PGAP4: variants seen among roughly 807,000 people sequenced by gnomAD.
The protein encoded by PGAP4 is post-GPI attachment to proteins GalNAc transferase 4.
PGAP4 carries 12 observed loss-of-function variants against 28.2 expected under a neutral mutation model. That is an observed-to-expected ratio of 0.42 (90% CI 0.27 to 0.69). The LOEUF is 0.69. PGAP4 is among the 30% of genes least tolerant of loss of function. The probability of loss-of-function intolerance (pLI) is 0.22; values close to 1 mark genes in which losing one functional copy is unlikely to be tolerated. For synonymous variants in PGAP4, 205 were observed against 211.8 expected, an observed-to-expected ratio of 0.97 and a Z score of 0.28; for missense variants, 425 against 513.5, an observed-to-expected ratio of 0.83 and a Z score of 1.67.
chr9:101,478,867 G>T (rs1380355676), intron 1 of PGAP4, among the ~76,000 whole-genome samples: 1 of 152,194 alleles, frequency 6.6e-6, no homozygotes, highest in Non-Finnish European at 1.5e-5. Context: ...AAACCACTGT[G>T]TCTAGACACC....
At chr9:101,510,391 T>C (rs1929486) in intron 2 of PGAP4, among the ~76,000 whole-genome samples, 24,366 of 151,984 alleles carry the variant, frequency 0.16, 2,298 homozygotes, top group African/African-American at 0.25. Context: ...ATGTTTTTTT[T>C]TTCTTTTGAA....
chr9:101,529,582 C>A (rs1168065762), intron 2 of PGAP4, among the ~76,000 whole-genome samples: 1 of 152,190 alleles, frequency 6.6e-6, no homozygotes, highest in Non-Finnish European at 1.5e-5. Context: ...AAAAGGCAGA[C>A]CTGGCTCTAG....
intron 2 of PGAP4, among the ~76,000 whole-genome samples, chr9:101,495,869 C>G (rs1234229234): frequency 2.0e-5 from 3 of 151,084 alleles, no homozygotes; most frequent in East Asian, 1.9e-4. Flanking sequence ...CAAAAACATC[C>G]TCCCATAGTG....
At chr9:101,524,096 G>A (rs1026823690) in intron 2 of PGAP4, among the ~76,000 whole-genome samples, 2 of 151,770 alleles carry the variant, frequency 1.3e-5, no homozygotes, top group Non-Finnish European at 1.5e-5. Context: ...AACTGTCTAT[G>A]GGTCTCTCAG....
At chr9:101,481,052 C>T (rs1046131509) in intron 1 of PGAP4, among the ~76,000 whole-genome samples, 4 of 152,184 alleles carry the variant, frequency 2.6e-5, no homozygotes, top group Admixed American at 6.5e-5. Flanking sequence ...TAGCATGTTC[C>T]TGTAGTCCTA....
At position 101,476,535 on chromosome 9, in the gene PGAP4, T is replaced by C. The variant is rs1434086148; in HGVS notation, c.558A>G (p.Lys186=). Residue 186 remains lysine, a synonymous_variant, in exon 2 of 2, where the codon AAA becomes AAG. Transcript: ENST00000374848. The surrounding 1 kb of genome is among the most constrained non-coding windows in gnomAD (Gnocchi z 7.0). ...GGCAATAGACATAGTCCTGCTTCTC[T>C]TTCTCAAACGAGTTGGTCGAAGGGT... ...GDDPSTNSFE[K]EKQDYVYCLE... is the part of the protein sequence containing the mutation. 3.1e-6 allele frequency: 5 copies of C among 1,614,212 alleles called. No homozygotes were observed. The South Asian group carries it at 5.5e-5, about 18-fold the overall frequency.
Position 101,476,548 on chromosome 9 carries a change from T to C in PGAP4, c.545A>G (p.Asn182Ser), listed in dbSNP as rs1213852157. 4.3e-6 allele frequency: 7 copies of C among 1,614,034 alleles called. No individual in the cohort carries two copies. The highest frequency in any genetic ancestry group is 5.9e-6 in the Non-Finnish European group (7 of 1,180,016). Residue 182 changes from asparagine to serine, a missense_variant, in exon 2 of 2, where the codon AAC becomes AGC. By Grantham distance (46) the Asn-to-Ser change is conservative. Coordinates refer to ENST00000374848, the MANE Select transcript of PGAP4 (RefSeq NM_032342.3). This position sits in a 1 kb window ranked among gnomAD's most constrained non-coding sequence, Gnocchi z 7.0. ...GTCCTGCTTCTCTTTCTCAAACGAG[T>C]TGGTCGAAGGGTCATCACCATAATC... ...EDDYGDDPST[N>S]SFEKEKQDYV...
intron 2 of PGAP4, among the ~76,000 whole-genome samples, chr9:101,523,645 T>C (rs964380264): frequency 6.7e-5 from 7 of 105,118 alleles, no homozygotes; most frequent in African/African-American, 2.2e-4. Flanking sequence ...TTTTTTTTTT[T>C]TTTTTTTGGA....
upstream of PGAP4, among the ~76,000 whole-genome samples, chr9:101,489,419 T>C (rs551462711): frequency 6.6e-6 from 1 of 152,112 alleles, no homozygotes. Flanking sequence ...AGAAAACCAA[T>C]AAGGCATAGT....
rs778513715 is a variant in PGAP4 at position 101,475,453 on chromosome 9, C to T, written c.*428G>A. The T allele has an allele frequency of 1.6e-5, 3 of 190,034 alleles. No homozygotes were observed. The highest frequency in any genetic ancestry group is 2.3e-5 in the African/African-American group (1 of 42,638). 11.8% of individuals were successfully genotyped at this position (190,034 alleles called of 1,614,324 possible). A position where few individuals can be genotyped will look rare whatever the true frequency, so the allele number is the denominator to read the frequency against. On this transcript the variant is annotated 3_prime_UTR_variant, in exon 2 of 2. Transcript: ENST00000374848. ...TTCTAAACATACATCCATTTTCATA[C>T]CCAATGAGAAAGAACTCAATTCCAA... is the stretch of plus-strand genomic sequence containing the variant.
intron 2 of PGAP4, among the ~76,000 whole-genome samples, chr9:101,511,089 A>G (rs1826894156): frequency 6.6e-6 from 1 of 152,198 alleles, no homozygotes; most frequent in African/African-American, 2.4e-5. Context: ...TTAGATTCTC[A>G]TAAGGAGCAT....
rs745499762 is a variant in PGAP4, at chr9:101,476,859, G to A, written c.234C>T (p.His78=). Residue 78 remains histidine (H), a synonymous_variant, in exon 2 of 2, where the codon CAC becomes CAT. Transcript: ENST00000374848. The surrounding 1 kb of genome is among the most constrained non-coding windows in gnomAD (Gnocchi z 7.0). The stretch of plus-strand genomic sequence containing the variant: ...TGGCAGAGGGAAGCTCCTCAAAATA[G>A]TGGAGGGCAGCCTCACCCTCTTTCA... ...QSLKEGEAAL[H]YFEELPSANG... The A allele has an allele frequency of 6.2e-7, 1 of 1,610,626 alleles. No individual in the cohort carries two copies. The highest frequency in any genetic ancestry group is 8.5e-7 in the Non-Finnish European group (1 of 1,178,282).
At position 101,486,442 on chromosome 9, in the gene PGAP4, C is replaced by G. The variant is rs1246949231; in HGVS notation, c.-78+507G>C. Among the ~76,000 whole-genome samples, 3 of 152,204 alleles carry G rather than the reference C, an allele frequency of 2.0e-5. No individual in the cohort carries two copies. Among genetic ancestry groups the G allele is most frequent in the African/African-American group, 7.2e-5 (3 of 41,466 alleles). ...GCCCGCAGAAACCCAACACTGCTGCCGCGCTCTCGGCGCGCCCGGCGAACC... is the reference window on the plus strand; with the variant it reads ...GCCCGCAGAAACCCAACACTGCTGCGGCGCTCTCGGCGCGCCCGGCGAACC... On this transcript the variant is annotated intron_variant, in intron 1 of 1. Transcript: ENST00000374848. The surrounding 1 kb of genome is among the most constrained non-coding windows in gnomAD (Gnocchi z 4.7).
intron 2 of PGAP4, among the ~76,000 whole-genome samples, chr9:101,530,424 CT>C (rs1489898741): frequency 6.6e-6 from 1 of 152,060 alleles, no homozygotes; most frequent in Non-Finnish European, 1.5e-5. Context: ...CTGTTTTCTC[CT>C]TTTAAAAAAG....
intron 2 of PGAP4, among the ~76,000 whole-genome samples, chr9:101,506,987 C>A (rs1351712733): frequency 6.6e-6 from 1 of 152,104 alleles, no homozygotes; most frequent in African/African-American, 2.4e-5. Flanking sequence ...CACAGCTTCT[C>A]CCAAATTCTA....
chr9:101,477,396 AC>A (rs1826359517), intron 1 of PGAP4, among the ~76,000 whole-genome samples: 1 of 152,102 alleles, frequency 6.6e-6, no homozygotes, highest in South Asian at 2.1e-4. Flanking sequence ...TATGAGTAAT[AC>A]GATCTCGGTG....
rs1826615719 is a variant in PGAP4 at position 101,486,432 on chromosome 9, A to G, written c.-78+517T>C. On this transcript the variant is annotated intron_variant, in intron 1 of 1. Coordinates refer to ENST00000374848, the MANE Select transcript of PGAP4 (RefSeq NM_032342.3). This position sits in a 1 kb window ranked among gnomAD's most constrained non-coding sequence, Gnocchi z 4.7. ...CTGCGAGGTCGCCCGCAGAAACCCA[A>G]CACTGCTGCCGCGCTCTCGGCGCGC... 6.6e-6 allele frequency among the ~76,000 whole-genome samples: 1 copy of G among 151,930 alleles called. No individual in the cohort carries two copies. The highest frequency in any genetic ancestry group is 2.4e-5 in the African/African-American group (1 of 41,396).
At chr9:101,503,111 G>A (rs1185329979) in intron 2 of PGAP4, among the ~76,000 whole-genome samples, 1 of 152,058 alleles carries the variant, frequency 6.6e-6, no homozygotes, top group Non-Finnish European at 1.5e-5. Flanking sequence ...GGGTGTGAAT[G>A]AGATATAAGC....
chr9:101,510,381 ATG>A (rs201818623), intron 2 of PGAP4, among the ~76,000 whole-genome samples: 155 of 143,968 alleles, frequency 1.1e-3, no homozygotes, highest in East Asian at 7.8e-3. Context: ...CGTTATGTTC[ATG>A]TTTTTTTTTT....
Sources: gnomAD v4.1 joint callset for allele counts (sites outside exome capture counted in the v4.1 genomes callset) on GRCh38, gnomAD v4.1.1 for gene constraint, Gnocchi (gnomAD v3.1) non-coding constraint, MANE v1.5 for transcripts, NCBI Gene and HGNC (gene_info 2026-07-23, HGNC 2026-07-21) for gene names.